COQ3: variants seen among roughly 807,000 people sequenced by gnomAD.
The protein encoded by COQ3 is ubiquinone biosynthesis O-methyltransferase, mitochondrial.
A neutral mutation model predicts 33.1 loss-of-function variants in COQ3; 29 were observed. The observed-to-expected ratio is 0.88, with a 90% CI of 0.65 to 1.19. The LOEUF is 1.19. COQ3 is among the 50% of genes most tolerant of loss of function. The probability of loss-of-function intolerance (pLI) is 0.00; values close to 1 mark genes in which losing one functional copy is unlikely to be tolerated. For synonymous variants in COQ3, 173 were observed against 157.8 expected (o/e 1.10, Z -0.72); for missense variants, 437 against 430.7 (o/e 1.01, Z -0.13).
chr6:99,393,945 A>G (rs1774900208), intron 1 of COQ3, 129 bp downstream of exon 1: 2 of 727,058 alleles, frequency 2.8e-6, no homozygotes, highest in East Asian at 5.5e-5. Context: ...GGCCAGGACC[A>G]AGCCTTAGGT....
At chr6:99,389,161 C>T (rs896916646) in intron 1 of COQ3, among the ~76,000 whole-genome samples, 5 of 152,230 alleles carry the variant, frequency 3.3e-5, no homozygotes, top group African/African-American at 9.6e-5. Context: ...CTCACTCTGT[C>T]GCCCAAATTG....
intron 3 of COQ3, among the ~76,000 whole-genome samples, chr6:99,378,382 A>G (rs1441978155): frequency 6.6e-6 from 1 of 152,000 alleles, no homozygotes; most frequent in African/African-American, 2.4e-5. Flanking sequence ...TTTAAACCAC[A>G]GCTAAAATGA....
At chr6:99,372,552 G>A (rs1271645587) in intron 5 of COQ3, among the ~76,000 whole-genome samples, 1 of 151,872 alleles carries the variant, frequency 6.6e-6, no homozygotes, top group African/African-American at 2.4e-5. Context: ...CAAGTAGCTG[G>A]GATTACAGGT....
chr6:99,378,262 C>T (rs1201138868), intron 3 of COQ3, among the ~76,000 whole-genome samples: 3 of 149,648 alleles, frequency 2.0e-5, no homozygotes, highest in African/African-American at 4.9e-5. Flanking sequence ...TCTTCTATTG[C>T]CATTAAAGTT....
At chr6:99,390,258 A>G (rs1774785148) in intron 1 of COQ3, among the ~76,000 whole-genome samples, 1 of 152,086 alleles carries the variant, frequency 6.6e-6, no homozygotes, top group African/African-American at 2.4e-5. Context: ...ATGTTGAACC[A>G]ATTTACTATC....
At position 99,394,059 on chromosome 6, in the gene COQ3, C is replaced by T. The variant is rs765438013; in HGVS notation, c.106+15G>A. On this transcript the variant is annotated intron_variant, in intron 1 of 6. Coordinates refer to ENST00000254759, the MANE Select transcript of COQ3 (RefSeq NM_017421.4). Reference sequence around the variant, plus strand: ...CAATTGACTGCATGCGAAGGACCTCCGCACACACACTCACCCGCCGAGGAA... The same window carrying T: ...CAATTGACTGCATGCGAAGGACCTCTGCACACACACTCACCCGCCGAGGAA... 3 of 1,603,502 alleles carry T rather than the reference C, an allele frequency of 1.9e-6. No individual in the cohort carries two copies. The highest frequency in any genetic ancestry group is 1.1e-5 in the South Asian group (1 of 90,878).
At chr6:99,377,557 G>T in intron 3 of COQ3, 72 bp from the exon 4 acceptor site, 2 of 1,025,176 alleles carry the variant, frequency 2.0e-6, no homozygotes, top group South Asian at 1.7e-5. Flanking sequence ...AAAGTGTGTA[G>T]TTTTCAAGGA....
intron 2 of COQ3, among the ~76,000 whole-genome samples, chr6:99,381,619 T>A (rs770218102): frequency 2.6e-5 from 4 of 152,166 alleles, no homozygotes; most frequent in Non-Finnish European, 4.4e-5. Context: ...TTCAATGGAA[T>A]GTTATCTAAG....
chr6:99,373,953 G>A (rs1476391685), intron 5 of COQ3, among the ~76,000 whole-genome samples: 1 of 152,042 alleles, frequency 6.6e-6, no homozygotes, highest in Non-Finnish European at 1.5e-5. Context: ...GCTGCAGTGA[G>A]CCGTGATCTT....
rs1278033369 is a variant in COQ3, at chr6:99,369,585, G to A, written c.*15C>T. ...CAGATATCCAAGCCATATTACTATAGTTCTCAGAAACAATTCATTTCTTCA... is the reference window on the plus strand; with the variant it reads ...CAGATATCCAAGCCATATTACTATAATTCTCAGAAACAATTCATTTCTTCA... On this transcript the variant is annotated 3_prime_UTR_variant, in exon 7 of 7. Coordinates refer to ENST00000254759, the MANE Select transcript of COQ3 (RefSeq NM_017421.4). 8.3e-6 allele frequency: 13 copies of A among 1,573,222 alleles called. No individual in the cohort carries two copies. Among genetic ancestry groups the A allele is most frequent in the African/African-American group, 1.4e-5 (1 of 73,986 alleles).
chr6:99,394,082 G>A lies in COQ3; in HGVS notation c.98C>T (p.Ser33Phe), dbSNP rs145585548. 8 of 1,613,468 alleles carry A rather than the reference G, an allele frequency of 5.0e-6. No individual in the cohort carries two copies. In the African/African-American group the frequency reaches 5.3e-5, roughly 11 times the overall value. ...TCCGCACACACACTCACCCGCCGAG[G>A]AAATTAAGGGACGCGCAGCTTTTGT... ...CNTKAARPLI[S>F]SAVYVKNQLS... Residue 33 changes from serine to phenylalanine, a missense_variant, in exon 1 of 7, where the codon TCC (serine) becomes TTC (phenylalanine). Ser to Phe is a radical substitution (Grantham distance 155). Coordinates refer to ENST00000254759, the MANE Select transcript of COQ3 (RefSeq NM_017421.4).
At position 99,369,708 on chromosome 6, in the gene COQ3, C is replaced by G; in HGVS notation, c.1002G>C (p.Arg334Ser). Reference sequence around the variant, plus strand: ...CAGCAGAGGCTGGGTGTTCCTGGACCCTGGATTTCACAGCATAAGCTGCAT... The same window carrying G: ...CAGCAGAGGCTGGGTGTTCCTGGACGCTGGATTTCACAGCATAAGCTGCAT... ...LNYAAYAVKSRVQEHPASAEF... is the reference protein window; with the variant it reads ...LNYAAYAVKSSVQEHPASAEF... The change falls in exon 7 of 7, where the codon AGG (arginine) becomes AGC (serine). Residue 334 changes from arginine to serine, a missense_variant. Transcript: ENST00000254759. 1 of 1,613,738 alleles carries G rather than the reference C, an allele frequency of 6.2e-7. No homozygotes were observed. Among genetic ancestry groups the G allele is most frequent in the South Asian group, 1.1e-5 (1 of 91,060 alleles).
At chr6:99,378,302 G>T (rs901239765) in intron 3 of COQ3, among the ~76,000 whole-genome samples, 1 of 151,438 alleles carries the variant, frequency 6.6e-6, no homozygotes, top group Non-Finnish European at 1.5e-5. Context: ...CATGGATAGT[G>T]GTTAAGTAGA....
At chr6:99,375,842 T>C in intron 5 of COQ3, 98 bp downstream of exon 5, 2 of 1,307,066 alleles carry the variant, frequency 1.5e-6, no homozygotes, top group Non-Finnish European at 1.1e-6. Context: ...ATACCTTGCC[T>C]GCTGGACTGC....
intron 1 of COQ3, among the ~76,000 whole-genome samples, chr6:99,388,576 G>A (rs961606687): frequency 4.0e-5 from 6 of 151,432 alleles, no homozygotes; most frequent in South Asian, 2.1e-4. Flanking sequence ...GGCCTGGCGC[G>A]GTGGCTTATG....
intron 4 of COQ3, 133 bp from the exon 5 acceptor site, chr6:99,376,315 A>G: frequency 1.2e-6 from 1 of 863,210 alleles, no homozygotes; most frequent in Admixed American, 2.9e-5. Context: ...GGTACATGGA[A>G]ACTCATATAC....
chr6:99,375,952 A>G lies in COQ3; in HGVS notation c.717T>C (p.Cys239=), dbSNP rs371116770. The G allele has an allele frequency of 2.4e-4, 394 of 1,613,952 alleles. No homozygotes were observed. The highest frequency in any genetic ancestry group is 2.1e-3 in the Middle Eastern group (13 of 6,084). Residue 239 remains cysteine, a synonymous_variant, in exon 5 of 7, where the codon TGT becomes TGC. Transcript: ENST00000254759. ...CCATAAGCCTTACTTTTAACACTTG[A>G]CAGCAGCACTGTAAAAATGTTTCTA... ...IDLETFLQCC[C]QVLKPGGSLF...
At chr6:99,382,640 G>A (rs190440049) in intron 2 of COQ3, among the ~76,000 whole-genome samples, 81 of 152,262 alleles carry the variant, frequency 5.3e-4, no homozygotes, top group South Asian at 3.1e-3. Flanking sequence ...TCATTTACAA[G>A]GAGGAACAAG....
Position 99,369,528 on chromosome 6 carries a change from G to C in COQ3, c.*72C>G. ...TTTTCTTCATGATTCTCTCTCAAAG[G>C]ATAAATTGTACATTTTTGTATTTGA... On this transcript the variant is annotated 3_prime_UTR_variant, in exon 7 of 7. Coordinates refer to ENST00000254759, the MANE Select transcript of COQ3 (RefSeq NM_017421.4). The C allele has an allele frequency of 1.8e-6, 2 of 1,115,712 alleles. No individual in the cohort carries two copies. The highest frequency in any genetic ancestry group is 2.5e-6 in the Non-Finnish European group (2 of 792,394). 69.1% of individuals were successfully genotyped at this position (1,115,712 alleles called of 1,614,324 possible).
Sources: allele counts gnomAD v4.1 joint callset (sites outside exome capture counted in the v4.1 genomes callset), GRCh38; gene constraint gnomAD v4.1.1; transcripts MANE v1.5; gene names NCBI Gene and HGNC (gene_info 2026-07-23, HGNC 2026-07-21).